MED26: variants seen among roughly 807,000 people sequenced by gnomAD.
MED26 encodes the protein mediator of RNA polymerase II transcription subunit 26.
Under a neutral mutation model 43.7 loss-of-function variants are expected in MED26, and 7 were observed. That is an observed-to-expected ratio of 0.16 (90% CI 0.09 to 0.30). The LOEUF is 0.30. Among genes scored for constraint, MED26 ranks in the 10% least tolerant of loss-of-function variants. The pLI is 1.00. For missense variants in MED26, 784 were observed against 840.6 expected (o/e 0.93, Z 0.83); for synonymous variants, 375 against 371.1 (o/e 1.01, Z -0.12).
chr19:16,609,941 TAAAAAAAAAAAAAAAA>T (rs869040520), intron 1 of MED26, among the ~76,000 whole-genome samples: 5 of 84,672 alleles, frequency 5.9e-5, no homozygotes, highest in Admixed American at 1.4e-4. Context: ...AAGCACTCTT[TAAAAAAAAAAAAAAAA>T]AAAAAAAAAG....
chr19:16,625,226 A>C (rs2086269018), intron 1 of MED26, among the ~76,000 whole-genome samples: 1 of 152,218 alleles, frequency 6.6e-6, no homozygotes. Flanking sequence ...AATTGGCAGA[A>C]ATTATTAACT....
At chr19:16,579,232 G>A (rs1172120954) in intron 1 of MED26, among the ~76,000 whole-genome samples, 2 of 152,250 alleles carry the variant, frequency 1.3e-5, no homozygotes, top group African/African-American at 4.8e-5. Flanking sequence ...CTGGAACACA[G>A]AATGCCTGTA....
chr19:16,586,979 A>G lies in MED26; in HGVS notation c.73-8570T>C, dbSNP rs1435545409. ...TTACAAAAACTACTTAGCTCAAAAG[A>G]CTGTGGAAGTGTTCATCAGCAAGCA... is the stretch of plus-strand genomic sequence containing the variant. On this transcript the variant is annotated intron_variant, in intron 1 of 2. Transcript: ENST00000263390. The surrounding 1 kb of genome is among the most constrained non-coding windows in gnomAD (Gnocchi z 5.1). 2.0e-5 allele frequency: 3 copies of G among 151,596 alleles called. 1 individual carries two copies. The highest frequency in any genetic ancestry group is 3.9e-4 in the East Asian group (2 of 5,176). 9.4% of individuals were successfully genotyped at this position (151,596 alleles called of 1,614,324 possible). A position where few individuals can be genotyped will look rare whatever the true frequency, so the allele number is the denominator to read the frequency against.
chr19:16,596,570 T>A (rs1311106514), intron 1 of MED26, among the ~76,000 whole-genome samples: 1 of 152,184 alleles, frequency 6.6e-6, no homozygotes, highest in Non-Finnish European at 1.5e-5. Flanking sequence ...CAGACAGGCA[T>A]GTGTCAATGC....
intron 1 of MED26, among the ~76,000 whole-genome samples, chr19:16,584,284 C>G (rs2086060147): frequency 6.7e-6 from 1 of 149,556 alleles, no homozygotes; most frequent in South Asian, 2.1e-4. Context: ...AAAACCGAAA[C>G]CCAAACACTG....
chr19:16,594,192 TG>T (rs1381212739), intron 1 of MED26, among the ~76,000 whole-genome samples: 4 of 152,176 alleles, frequency 2.6e-5, no homozygotes, highest in African/African-American at 9.6e-5. Flanking sequence ...GGTAGAAGCC[TG>T]TGTTATCTGC....
chr19:16,614,163 C>T (rs976826243), intron 1 of MED26, among the ~76,000 whole-genome samples: 2 of 152,206 alleles, frequency 1.3e-5, no homozygotes, highest in African/African-American at 4.8e-5. Flanking sequence ...GTGATCTGCT[C>T]CAAGGTCACC....
chr19:16,590,279 A>T (rs760305622), intron 1 of MED26, among the ~76,000 whole-genome samples: 1 of 152,126 alleles, frequency 6.6e-6, no homozygotes, highest in African/African-American at 2.4e-5. Flanking sequence ...GTATTAAGCC[A>T]CTTTCCCATC....
chr19:16,616,476 G>A (rs1200501661), intron 1 of MED26, among the ~76,000 whole-genome samples: 2 of 152,222 alleles, frequency 1.3e-5, no homozygotes, highest in South Asian at 4.1e-4. Flanking sequence ...ACAGAGGCAG[G>A]AGACTGACTA....
intron 1 of MED26, among the ~76,000 whole-genome samples, chr19:16,580,499 G>A (rs1456364703): frequency 6.6e-6 from 1 of 152,028 alleles, no homozygotes; most frequent in East Asian, 1.9e-4. Context: ...CTCCCGAGTA[G>A]CTGAGATTAT....
intron 1 of MED26, among the ~76,000 whole-genome samples, chr19:16,579,095 C>T (rs752053200): frequency 4.6e-5 from 7 of 151,782 alleles, no homozygotes; most frequent in Non-Finnish European, 1.0e-4. Context: ...AGCAAGACTC[C>T]GTGTAAAAAA....
In MED26 at chr19:16,575,088, G is replaced by A. The variant is rs2085984979; in HGVS notation, c.*939C>T. 1 of 152,500 alleles carries A rather than the reference G, an allele frequency of 6.6e-6. No individual in the cohort carries two copies. 9.4% of individuals were successfully genotyped at this position (152,500 alleles called of 1,614,324 possible). A position where few individuals can be genotyped will look rare whatever the true frequency, so the allele number is the denominator to read the frequency against. ...TCGCGTTTATGACAAATAACCATAA[G>A]GCAAACGAATCTAAAGGAATGGTTA... On this transcript the variant is annotated 3_prime_UTR_variant, in exon 3 of 3. Transcript: ENST00000263390.
chr19:16,602,462 A>G (rs1403369036), intron 1 of MED26, among the ~76,000 whole-genome samples: 1 of 152,152 alleles, frequency 6.6e-6, no homozygotes, highest in Admixed American at 6.6e-5. Flanking sequence ...TAACTCAGAA[A>G]CAACCGCTAC....
At position 16,577,338 on chromosome 19, in the gene MED26, C is replaced by G. The variant is rs1174627516; in HGVS notation, c.492G>C (p.Lys164Asn). The change falls in exon 3 of 3, where the codon AAG becomes AAC. Residue 164 changes from lysine to asparagine, a missense_variant. By Grantham distance (94) the Lys-to-Asn change is moderately conservative (BLOSUM62 0). Coordinates refer to ENST00000263390, the MANE Select transcript of MED26 (RefSeq NM_004831.5). This position sits in a 1 kb window ranked among gnomAD's most constrained non-coding sequence, Gnocchi z 8.1. ...GGGGGTCGTGGCTAGCTTTGGAGAC[C>G]TTGGGTGGCGGCCCTGGGTGGCCGA... Reference protein sequence around the residue: ...RDLGHPGPPPKVSKASHDPLV... With the variant: ...RDLGHPGPPPNVSKASHDPLV... 1.9e-6 allele frequency: 3 copies of G among 1,611,888 alleles called. No homozygotes were observed. In the African/African-American group the frequency reaches 4.0e-5, roughly 22 times the overall value.
In MED26 at chr19:16,591,037, C is replaced by CAAAAT. The variant is rs1219352317; in HGVS notation, c.73-12633_73-12629dup. On this transcript the variant is annotated intron_variant, in intron 1 of 2. Transcript: ENST00000263390. ...CCTGGGCCACAGAGAGAGACTTTCT[C>CAAAAT]AAAATAAAATAAAATAAATAAATAA... Among the ~76,000 whole-genome samples, 321 of 140,510 alleles carry CAAAAT rather than the reference C, an allele frequency of 2.3e-3. 2 individuals are homozygous for CAAAAT. Among genetic ancestry groups the CAAAAT allele is most frequent in the East Asian group, 6.7e-3 (33 of 4,906 alleles). 92.2% of individuals were successfully genotyped at this position (140,510 alleles called of 152,430 possible).
chr19:16,604,829 A>G (rs1237664603), intron 1 of MED26, among the ~76,000 whole-genome samples: 1 of 152,218 alleles, frequency 6.6e-6, no homozygotes, highest in East Asian at 1.9e-4. Flanking sequence ...GAGCCGGCTC[A>G]TGGTGACACA....
At chr19:16,614,251 G>T (rs1046851816) in intron 1 of MED26, among the ~76,000 whole-genome samples, 2 of 152,156 alleles carry the variant, frequency 1.3e-5, no homozygotes, top group Non-Finnish European at 2.9e-5. Flanking sequence ...TGTCTGGCCC[G>T]GCGCACGGTC....
At chr19:16,584,302 C>G (rs35283125) in intron 1 of MED26, among the ~76,000 whole-genome samples, 1 of 136,414 alleles carries the variant, frequency 7.3e-6, no homozygotes, top group Non-Finnish European at 1.6e-5. Context: ...CTGCCCCCCC[C>G]CGCCCCGCCA....
chr19:16,579,718 A>T (rs2086034994), intron 1 of MED26, among the ~76,000 whole-genome samples: 1 of 152,204 alleles, frequency 6.6e-6, no homozygotes, highest in Non-Finnish European at 1.5e-5. Flanking sequence ...CCCCAACATG[A>T]TAAAGGAGTT....
Sources: gnomAD v4.1 joint callset for allele counts (sites outside exome capture counted in the v4.1 genomes callset) on GRCh38, gnomAD v4.1.1 for gene constraint, Gnocchi (gnomAD v3.1) non-coding constraint, MANE v1.5 for transcripts, NCBI Gene and HGNC (gene_info 2026-07-23, HGNC 2026-07-21) for gene names.